The following MGAT4D variants were observed in gnomAD, a reference collection of about 807,000 sequenced individuals.
MGAT4D encodes the protein MGAT4 family member D, also known as alpha-1,3-mannosyl-glycoprotein 4-beta-N-acetylglucosaminyltransferase-like protein MGAT4D.
A neutral mutation model predicts 15.9 loss-of-function variants in MGAT4D; 34 were observed. The ratio of observed to expected loss-of-function variants is 2.14; its 90% CI spans 1.62 to 2.84. The LOEUF is 2.84. Among genes scored for constraint, MGAT4D ranks in the 30% most tolerant of loss-of-function variants. MGAT4D has a pLI of 0.00. For missense variants in MGAT4D, 327 were observed against 140.2 expected (o/e 2.33, Z -6.73); for synonymous variants, 112 against 48.2 (o/e 2.33, Z -5.49).
At chr4:140,462,239 C>A (rs947879466) in intron 6 of MGAT4D, among the ~76,000 whole-genome samples, 6 of 151,972 alleles carry the variant, frequency 3.9e-5, no homozygotes, top group Non-Finnish European at 5.9e-5. Context: ...TAAGCACAAC[C>A]CATTTGTTTT....
rs1729913423 is a variant in MGAT4D, at chr4:140,443,683, C to T, written c.1117-239G>A. On this transcript the variant is annotated intron_variant, in intron 10 of 10. Transcript: ENST00000511113. ...TGTTAAAATGATTGAAAGCAGATTT[C>T]CATCTGTGGGATTCCGGGGAAATCT... 2.6e-5 allele frequency among the ~76,000 whole-genome samples: 4 copies of T among 152,006 alleles called. No individual in the cohort carries two copies. The South Asian group carries it at 8.3e-4, about 32-fold the overall frequency.
chr4:140,451,536 C>A lies in MGAT4D; in HGVS notation c.1009-19G>T, dbSNP rs577344386. On this transcript the variant is annotated intron_variant, in intron 9 of 10. Coordinates refer to ENST00000511113, the MANE Select transcript of MGAT4D (RefSeq NM_001277353.2). ...AGTTTCTCTGGGGAAAAAGAAACAACAATCTTCTGTAAAAACCCAGGTATT... is the reference window on the plus strand; with the variant it reads ...AGTTTCTCTGGGGAAAAAGAAACAAAAATCTTCTGTAAAAACCCAGGTATT... The A allele has an allele frequency of 1.2e-5, 6 of 516,694 alleles. No individual in the cohort carries two copies. The Admixed American group carries it at 1.2e-4, about 10-fold the overall frequency. The allele number at this position is 516,694 out of a possible 1,614,324, so 32.0% of individuals were successfully genotyped here. A position where few individuals can be genotyped will look rare whatever the true frequency, so the allele number is the denominator to read the frequency against.
intron 3 of MGAT4D, among the ~76,000 whole-genome samples, chr4:140,477,903 C>A (rs1018067683): frequency 7.2e-5 from 11 of 152,058 alleles, no homozygotes; most frequent in Admixed American, 1.3e-4. Context: ...ATGAGGGGCT[C>A]AATAAAAAAT....
At chr4:140,484,901 A>T (rs906503026) in intron 1 of MGAT4D, among the ~76,000 whole-genome samples, 2 of 152,332 alleles carry the variant, frequency 1.3e-5, no homozygotes, top group African/African-American at 4.8e-5. Flanking sequence ...GTCAGGAAAC[A>T]ACAGTGCTGG....
At chr4:140,477,589 G>A (rs566386333) in intron 3 of MGAT4D, among the ~76,000 whole-genome samples, 2 of 152,330 alleles carry the variant, frequency 1.3e-5, no homozygotes, top group East Asian at 3.9e-4. Flanking sequence ...TGTCCTATCT[G>A]TTCTCAAAGA....
At chr4:140,447,136 C>T (rs901364848) in intron 10 of MGAT4D, among the ~76,000 whole-genome samples, 4 of 151,806 alleles carry the variant, frequency 2.6e-5, no homozygotes, top group East Asian at 1.9e-4. Flanking sequence ...AATTTTGTGG[C>T]CGATTTTAGA....
chr4:140,497,288 A>G (rs1733898987), intron 1 of MGAT4D, among the ~76,000 whole-genome samples: 1 of 152,232 alleles, frequency 6.6e-6, no homozygotes, highest in African/African-American at 2.4e-5. Context: ...CTTAAACTGA[A>G]AAATTTAACT....
chr4:140,497,586 C>A (rs557254906), intron 1 of MGAT4D, among the ~76,000 whole-genome samples: 1 of 152,256 alleles, frequency 6.6e-6, no homozygotes, highest in South Asian at 2.1e-4. Flanking sequence ...GAAGTCCAGG[C>A]GCTGGGCCGG....
chr4:140,482,243 T>C, intron 2 of MGAT4D, 84 bp downstream of exon 2: 1 of 551,154 alleles, frequency 1.8e-6, no homozygotes. Flanking sequence ...TAGTTAAGTT[T>C]ATAGAGAGAA....
At chr4:140,467,270 T>A (rs1407582811) in intron 5 of MGAT4D, among the ~76,000 whole-genome samples, 1 of 151,346 alleles carries the variant, frequency 6.6e-6, no homozygotes, top group Non-Finnish European at 1.5e-5. Flanking sequence ...GAATGGAGAG[T>A]TTGGTTGTTT....
chr4:140,485,068 T>G, intron 1 of MGAT4D, among the ~76,000 whole-genome samples: 1 of 152,182 alleles, frequency 6.6e-6, no homozygotes, highest in East Asian at 1.9e-4. Flanking sequence ...CCCAAAGGAT[T>G]ATAAATCATG....
At chr4:140,465,232 T>C (rs1731455806) in intron 5 of MGAT4D, among the ~76,000 whole-genome samples, 1 of 152,208 alleles carries the variant, frequency 6.6e-6, no homozygotes, top group Non-Finnish European at 1.5e-5. Context: ...TTTCTTCTTA[T>C]AAAAATTACA....
At chr4:140,459,445 T>G in intron 8 of MGAT4D, 67 bp downstream of exon 8, 1 of 380,082 alleles carries the variant, frequency 2.6e-6, no homozygotes, top group Non-Finnish European at 4.7e-6. Flanking sequence ...ACTGATAAAC[T>G]GTTTAAAATG....
intron 5 of MGAT4D, among the ~76,000 whole-genome samples, chr4:140,466,839 T>C (rs1359113307): frequency 6.6e-6 from 1 of 152,112 alleles, no homozygotes; most frequent in African/African-American, 2.4e-5. Flanking sequence ...AAGCTCATGT[T>C]TTATAATGGG....
chr4:140,455,461 A>G (rs972848403), intron 9 of MGAT4D, among the ~76,000 whole-genome samples: 4 of 152,202 alleles, frequency 2.6e-5, no homozygotes, highest in African/African-American at 9.7e-5. Context: ...AAATTTGTTA[A>G]GCTTTGTTTT....
In MGAT4D at chr4:140,454,285, A is replaced by G. The variant is rs868193695; in HGVS notation, c.1008+2304T>C. 7.9e-5 allele frequency among the ~76,000 whole-genome samples: 12 copies of G among 152,238 alleles called. 1 individual carries two copies. The South Asian group carries it at 2.5e-3, about 32-fold the overall frequency. ...TAACATGTCAGAGACATTTCTTTCTATTCCTAATTGGCTGGGAGGTTTTAT... is the reference window on the plus strand; with the variant it reads ...TAACATGTCAGAGACATTTCTTTCTGTTCCTAATTGGCTGGGAGGTTTTAT... On this transcript the variant is annotated intron_variant, in intron 9 of 10. Coordinates refer to ENST00000511113, the MANE Select transcript of MGAT4D (RefSeq NM_001277353.2).
chr4:140,496,474 T>C (rs1733844911), intron 1 of MGAT4D, among the ~76,000 whole-genome samples: 1 of 152,190 alleles, frequency 6.6e-6, no homozygotes, highest in South Asian at 2.1e-4. Flanking sequence ...ATTGTAAGGA[T>C]CTCAAAGTCT....
At position 140,461,995 on chromosome 4, in the gene MGAT4D, G is replaced by T; in HGVS notation, c.696C>A (p.Ile232=). The T allele has an allele frequency of 1.4e-6, 1 of 700,548 alleles. No homozygotes were observed. Among genetic ancestry groups the T allele is most frequent in the South Asian group, 1.5e-5 (1 of 67,154 alleles). The allele number at this position is 700,548 out of a possible 1,614,324, so 43.4% of individuals were successfully genotyped here. Reference sequence around the variant, plus strand: ...AAATGCAAAAATCCAATACCTGTTTGATTCGCCAACTAAAGGTAATCAATA... The same window carrying T: ...AAATGCAAAAATCCAATACCTGTTTTATTCGCCAACTAAAGGTAATCAATA... ...EASQKLASWR[I]KQVLDFCILL... is the part of the protein sequence containing the mutation. Residue 232 remains isoleucine (I), a synonymous_variant, in exon 7 of 11, where the codon ATC becomes ATA. Coordinates refer to ENST00000511113, the MANE Select transcript of MGAT4D (RefSeq NM_001277353.2).
chr4:140,487,988 T>C (rs1398535266), intron 1 of MGAT4D, among the ~76,000 whole-genome samples: 1 of 152,202 alleles, frequency 6.6e-6, no homozygotes, highest in Non-Finnish European at 1.5e-5. Flanking sequence ...TTGACTACTA[T>C]GCACATTAAA....
Sources: allele counts gnomAD v4.1 joint callset (sites outside exome capture counted in the v4.1 genomes callset), GRCh38; gene constraint gnomAD v4.1.1; transcripts MANE v1.5; gene names NCBI Gene and HGNC (gene_info 2026-07-23, HGNC 2026-07-21).